ZMAT3: variants seen among roughly 807,000 people sequenced by gnomAD.
ZMAT3 encodes the protein zinc finger matrin-type protein 3.
Under a neutral mutation model 32.3 loss-of-function variants are expected in ZMAT3, and 17 were observed. The ratio of observed to expected loss-of-function variants is 0.53; its 90% confidence interval spans 0.36 to 0.79. The LOEUF (loss-of-function observed/expected upper bound fraction) is 0.79, where lower values mean the gene tolerates loss of function less well. Ranked by LOEUF, ZMAT3 falls within the 30% of genes least tolerant of loss-of-function variation. ZMAT3 has a pLI of 0.00. For missense variants in ZMAT3, 329 were observed against 359.7 expected (o/e 0.91, Z 0.69); for synonymous variants, 120 against 133.1 (o/e 0.90, Z 0.68).
intron 2 of ZMAT3, among the ~76,000 whole-genome samples, chr3:179,039,292 G>A (rs181740809): frequency 2.0e-5 from 3 of 152,338 alleles, no homozygotes; most frequent in Admixed American, 2.0e-4. Flanking sequence ...GCCTAACTGG[G>A]AGACACGTCC....
In ZMAT3 at chr3:179,037,209, C is replaced by T. The variant is rs138986399; in HGVS notation, c.271-6210G>A. ...TAACACACACCCATTCACTGAGCTG[C>T]GGGTGGTGGGACCGACTGAGCTGTA... On this transcript the variant is annotated intron_variant, in intron 2 of 5. Transcript: ENST00000311417. 2.7e-3 allele frequency among the ~76,000 whole-genome samples: 415 copies of T among 152,272 alleles called. 1 individual carries two copies. Among genetic ancestry groups the T allele is most frequent in the African/African-American group, 9.2e-3 (383 of 41,562 alleles).
At chr3:179,058,793 C>T (rs571066950) in intron 2 of ZMAT3, among the ~76,000 whole-genome samples, 5 of 150,712 alleles carry the variant, frequency 3.3e-5, no homozygotes, top group South Asian at 2.1e-4. Flanking sequence ...AAAAGGACTT[C>T]GAAGAGTAGG....
chr3:179,067,816 C>A lies in ZMAT3; in HGVS notation c.-57-7G>T. ...AGAAGCAAGGTCTTCAAATCTGAAT[C>A]AACAGCAAAAAAACAGAAAAAAAAA... On this transcript the variant is annotated splice_region_variant and splice_polypyrimidine_tract_variant and intron_variant, in intron 1 of 5. Coordinates refer to ENST00000311417, the MANE Select transcript of ZMAT3 (RefSeq NM_022470.4). 7 of 1,558,510 alleles carry A rather than the reference C, an allele frequency of 4.5e-6. No homozygotes were observed. Among genetic ancestry groups the A allele is most frequent in the African/African-American group, 4.2e-5 (3 of 72,188 alleles).
At chr3:179,052,473 AT>A (rs1720620073) in intron 2 of ZMAT3, among the ~76,000 whole-genome samples, 1 of 152,236 alleles carries the variant, frequency 6.6e-6, no homozygotes, top group African/African-American at 2.4e-5. Flanking sequence ...AAGAATGGCC[AT>A]AATCAAAAAC....
rs1190782978 is a variant in ZMAT3 at position 179,025,176 on chromosome 3, G to A, written c.711C>T (p.Ala237=). The A allele has an allele frequency of 6.2e-7, 1 of 1,614,184 alleles. No individual in the cohort carries two copies. Among genetic ancestry groups the A allele is most frequent in the South Asian group, 1.1e-5 (1 of 91,074 alleles). The part of the protein sequence containing the change: ...RSRQRIPRDL[A]MCVTPSGQFY... The stretch of plus-strand genomic sequence containing the variant: ...ACTGGCCACTTGGAGTAACACACAT[G>A]GCCAGATCACGTGGAATTCTCTGCC... The change falls in exon 6 of 6, where the codon GCC becomes GCT. Residue 237 remains alanine, a synonymous_variant. Coordinates refer to ENST00000311417, the MANE Select transcript of ZMAT3 (RefSeq NM_022470.4).
chr3:179,068,116 T>C (rs371619957), intron 1 of ZMAT3, among the ~76,000 whole-genome samples: 9 of 152,188 alleles, frequency 5.9e-5, no homozygotes, highest in African/African-American at 9.6e-5. Context: ...AAAAGTCACA[T>C]GGCTGAAATG....
intron 2 of ZMAT3, among the ~76,000 whole-genome samples, chr3:179,065,341 A>G (rs1161416436): frequency 6.6e-6 from 1 of 152,194 alleles, no homozygotes; most frequent in Non-Finnish European, 1.5e-5. Context: ...CACTGAGGAA[A>G]CTGAAATTAA....
chr3:179,037,764 A>T (rs989019856), intron 2 of ZMAT3, among the ~76,000 whole-genome samples: 1 of 152,202 alleles, frequency 6.6e-6, no homozygotes, highest in Admixed American at 6.5e-5. Context: ...GTCTTCTAAA[A>T]ACAGGTGAGA....
intron 2 of ZMAT3, among the ~76,000 whole-genome samples, chr3:179,042,443 C>A (rs1449539399): frequency 6.6e-6 from 1 of 152,152 alleles, no homozygotes; most frequent in Non-Finnish European, 1.5e-5. Flanking sequence ...AAAACATAAT[C>A]CATCACATAA....
Position 179,064,081 on chromosome 3 carries a change from C to G in ZMAT3, c.270+3402G>C, listed in dbSNP as rs560275661. ...TACTGGCACATGATACAGTCCGGCTCTAGTGTAACCACCATTGTTTACAAT... is the reference window on the plus strand; with the variant it reads ...TACTGGCACATGATACAGTCCGGCTGTAGTGTAACCACCATTGTTTACAAT... On this transcript the variant is annotated intron_variant, in intron 2 of 5. Transcript: ENST00000311417. Among the ~76,000 whole-genome samples the G allele has an allele frequency of 7.9e-5, 12 of 152,320 alleles. No individual in the cohort carries two copies. The South Asian group carries it at 1.0e-3, about 13-fold the overall frequency.
At chr3:179,062,997 C>T (rs931653155) in intron 2 of ZMAT3, among the ~76,000 whole-genome samples, 2 of 152,200 alleles carry the variant, frequency 1.3e-5, no homozygotes, top group African/African-American at 4.8e-5. Context: ...ATATGCAAGT[C>T]TCACAATCCT....
At position 179,024,874 on chromosome 3, in the gene ZMAT3, A is replaced by C; in HGVS notation, c.*143T>G. The C allele has an allele frequency of 1.8e-6, 1 of 543,440 alleles. No homozygotes were observed. Among genetic ancestry groups the C allele is most frequent in the Non-Finnish European group, 3.2e-6 (1 of 313,972 alleles). The allele number at this position is 543,440 out of a possible 1,614,324, so 33.7% of individuals were successfully genotyped here. A position where few individuals can be genotyped will look rare whatever the true frequency, so the allele number is the denominator to read the frequency against. On this transcript the variant is annotated 3_prime_UTR_variant, in exon 6 of 6. Coordinates refer to ENST00000311417, the MANE Select transcript of ZMAT3 (RefSeq NM_022470.4). ...CCCGCCCCCGGGCCCCCAGGTTTTGACATCTCATGGTACCACTGTGGGTTA... is the reference window on the plus strand; with the variant it reads ...CCCGCCCCCGGGCCCCCAGGTTTTGCCATCTCATGGTACCACTGTGGGTTA...
intron 2 of ZMAT3, among the ~76,000 whole-genome samples, chr3:179,054,985 C>T (rs1409575352): frequency 1.3e-4 from 20 of 152,164 alleles, no homozygotes; most frequent in Non-Finnish European, 1.5e-4. Flanking sequence ...CCCAAGATTC[C>T]ATTCCTTGGA....
rs1553798348 is a variant in ZMAT3 at position 179,023,710 on chromosome 3, A to ATATTTT, written c.*1306_*1307insAAAATA. The ATATTTT allele has an allele frequency of 4.0e-5, 1 of 25,072 alleles. No individual in the cohort carries two copies. Among genetic ancestry groups the ATATTTT allele is most frequent in the African/African-American group, 2.7e-4 (1 of 3,680 alleles). The allele number at this position is 25,072 out of a possible 1,614,324, so 1.6% of individuals were successfully genotyped here. ...GGAAAATATATCTATATATATATAT[A>ATATTTT]TTTTTTTTTTTTTTTTTTTTTTTTT... On this transcript the variant is annotated 3_prime_UTR_variant, in exon 6 of 6. Coordinates refer to ENST00000311417, the MANE Select transcript of ZMAT3 (RefSeq NM_022470.4).
chr3:179,040,416 G>C (rs1414453979), intron 2 of ZMAT3, among the ~76,000 whole-genome samples: 2 of 152,150 alleles, frequency 1.3e-5, no homozygotes, highest in Non-Finnish European at 2.9e-5. Context: ...GAAAAGAGTG[G>C]GGGCCGATAT....
chr3:179,070,114 G>C (rs558183363), intron 1 of ZMAT3, among the ~76,000 whole-genome samples: 3 of 141,286 alleles, frequency 2.1e-5, no homozygotes, highest in Non-Finnish European at 3.2e-5. Context: ...GTGAAAAGGT[G>C]GGGGGGGGTG....
In ZMAT3 at chr3:179,058,026, T is replaced by C. The variant is rs770337169; in HGVS notation, c.270+9457A>G. On this transcript the variant is annotated intron_variant, in intron 2 of 5. Coordinates refer to ENST00000311417, the MANE Select transcript of ZMAT3 (RefSeq NM_022470.4). ...AAACAGGAATAGCTCTAGGAGTCCT[T>C]ACACAGGTCCGAGGGATGAGCTTGC... 2.0e-5 allele frequency among the ~76,000 whole-genome samples: 3 copies of C among 152,218 alleles called. No individual in the cohort carries two copies. The South Asian group carries it at 6.2e-4, about 31-fold the overall frequency.
At chr3:179,072,394 C>G (rs905823057), upstream of ZMAT3, 4 of 152,110 alleles carry the variant, frequency 2.6e-5, no homozygotes, top group African/African-American at 9.7e-5. Context: ...ATAGAGGAGA[C>G]TTTCTCCTGA....
In ZMAT3 at chr3:179,046,654, C is replaced by T. The variant is rs1341880790; in HGVS notation, c.271-15655G>A. Among the ~76,000 whole-genome samples the T allele has an allele frequency of 6.6e-6, 1 of 152,182 alleles. No homozygotes were observed. Among genetic ancestry groups the T allele is most frequent in the Non-Finnish European group, 1.5e-5 (1 of 68,034 alleles). ...CTGCCTGGAAATGAACTCAGTGCTA[C>T]AGATGAGGCACAGTGGGAGGAAGAC... On this transcript the variant is annotated intron_variant, in intron 2 of 5. Coordinates refer to ENST00000311417, the MANE Select transcript of ZMAT3 (RefSeq NM_022470.4). The surrounding 1 kb of genome is among the most constrained non-coding windows in gnomAD (Gnocchi z 4.3).
Sources: gnomAD v4.1 joint callset for allele counts (sites outside exome capture counted in the v4.1 genomes callset) on GRCh38, gnomAD v4.1.1 for gene constraint, Gnocchi (gnomAD v3.1) non-coding constraint, MANE v1.5 for transcripts, NCBI Gene and HGNC (gene_info 2026-07-23, HGNC 2026-07-21) for gene names.